The following NSD1 variants were observed in gnomAD, a reference collection of about 807,000 sequenced individuals.
The protein encoded by NSD1 is nuclear receptor binding SET domain protein 1.
In NSD1, 26 loss-of-function variants were observed where a neutral mutation model predicts 242.7. The observed-to-expected ratio is 0.11, with a 90% CI of 0.08 to 0.15. The LOEUF (loss-of-function observed/expected upper bound fraction) is 0.15, where lower values mean the gene tolerates loss of function less well. NSD1 is among the 10% of genes least tolerant of loss of function. NSD1 has a pLI of 1.00. For synonymous variants in NSD1, 1,106 were observed against 1,178.1 expected (o/e 0.94, Z 1.25); for missense variants, 2,495 against 3,272.8 (o/e 0.76, Z 5.80).
intron 11 of NSD1, among the ~76,000 whole-genome samples, chr5:177,251,162 C>T (rs556399745): frequency 6.6e-4 from 100 of 151,730 alleles, no homozygotes; most frequent in Non-Finnish European, 1.1e-3. Context: ...TGTACTCCAT[C>T]CTGGGCGACA....
chr5:177,182,452 G>A (rs997168582), intron 2 of NSD1, among the ~76,000 whole-genome samples: 2 of 152,016 alleles, frequency 1.3e-5, no homozygotes, highest in African/African-American at 4.8e-5. Flanking sequence ...TTAGAGACAG[G>A]GTTTTGCTCT....
chr5:177,266,267 G>T, intron 14 of NSD1: 1 of 756,310 alleles, frequency 1.3e-6, no homozygotes. Context: ...CTTCCCCTTG[G>T]TGATGGTCAC....
At chr5:177,256,275 CTTTTTTTT>C (rs147226070) in intron 12 of NSD1, among the ~76,000 whole-genome samples, 1 of 76,854 alleles carries the variant, frequency 1.3e-5, no homozygotes, top group Non-Finnish European at 2.4e-5. Flanking sequence ...TGCCCCCACA[CTTTTTTTT>C]TTTTTTTTTT....
intron 11 of NSD1, among the ~76,000 whole-genome samples, chr5:177,250,095 A>G (rs1016349187): frequency 6.6e-6 from 1 of 152,238 alleles, no homozygotes; most frequent in Admixed American, 6.5e-5. Flanking sequence ...AATAATAAAT[A>G]GTAATAGATA....
At chr5:177,232,436 A>G (rs770291098) in intron 5 of NSD1, among the ~76,000 whole-genome samples, 9 of 152,228 alleles carry the variant, frequency 5.9e-5, no homozygotes, top group Non-Finnish European at 1.0e-4. Context: ...TTGACATAAT[A>G]CCACAAGTGG....
intron 2 of NSD1, among the ~76,000 whole-genome samples, chr5:177,170,475 T>A (rs557214524): frequency 1.4e-3 from 206 of 150,804 alleles, no homozygotes; most frequent in African/African-American, 4.8e-3. Context: ...CTCAGCCTCC[T>A]GAGTAGCTGG....
intron 2 of NSD1, among the ~76,000 whole-genome samples, chr5:177,158,127 A>G (rs189818950): frequency 2.2e-4 from 33 of 152,266 alleles, no homozygotes; most frequent in African/African-American, 7.0e-4. Context: ...TAGAAGTGGT[A>G]TTGTCGGATC....
intron 4 of NSD1, among the ~76,000 whole-genome samples, chr5:177,208,151 A>T (rs979247284): frequency 3.3e-5 from 5 of 152,210 alleles, no homozygotes; most frequent in Admixed American, 1.3e-4. Context: ...TAGAATCTTG[A>T]CTAATACCTA....
chr5:177,227,084 A>G (rs565931476), intron 5 of NSD1, among the ~76,000 whole-genome samples: 1 of 152,210 alleles, frequency 6.6e-6, no homozygotes, highest in Non-Finnish European at 1.5e-5. Context: ...ACACATATGG[A>G]TGAAATATTA....
intron 14 of NSD1, chr5:177,265,768 G>A (rs1562275869): frequency 2.0e-6 from 3 of 1,494,488 alleles, no homozygotes; most frequent in Non-Finnish European, 1.9e-6. Context: ...ACAGGGACTC[G>A]GGTATGGTGG....
Position 177,216,055 on chromosome 5 carries a change from T to C in NSD1, c.3796+3860T>C, listed in dbSNP as rs1380614915. Among the ~76,000 whole-genome samples, 3 of 151,854 alleles carry C rather than the reference T, an allele frequency of 2.0e-5. No homozygotes were observed. The East Asian group carries it at 5.8e-4, about 29-fold the overall frequency. The stretch of plus-strand genomic sequence containing the variant: ...TTTGTGTTTTTTTGTAGAGACAGGT[T>C]TCTGGCTATGCTGCCCAGGCTGGTC... On this transcript the variant is annotated intron_variant, in intron 5 of 22. Transcript: ENST00000439151.
chr5:177,256,365 C>T (rs1756463108), intron 12 of NSD1, among the ~76,000 whole-genome samples: 2 of 151,136 alleles, frequency 1.3e-5, no homozygotes, highest in East Asian at 3.9e-4. Context: ...CTCAGTAAAC[C>T]TCCACCTTCC....
intron 18 of NSD1, among the ~76,000 whole-genome samples, chr5:177,281,971 A>G (rs1365175279): frequency 6.6e-6 from 1 of 152,206 alleles, no homozygotes; most frequent in Non-Finnish European, 1.5e-5. Flanking sequence ...GACTTGAAAT[A>G]TAAGTAGCTG....
chr5:177,230,814 G>A lies in NSD1; in HGVS notation c.3797-5007G>A, dbSNP rs541751893. ...TGCACTTCAGCCTGGGCGACAAAGCGAGACTCCGACTCAAAAAAAAAAAAG... is the reference window on the plus strand; with the variant it reads ...TGCACTTCAGCCTGGGCGACAAAGCAAGACTCCGACTCAAAAAAAAAAAAG... On this transcript the variant is annotated intron_variant, in intron 5 of 22. Coordinates refer to ENST00000439151, the MANE Select transcript of NSD1 (RefSeq NM_022455.5). 1.6e-4 allele frequency among the ~76,000 whole-genome samples: 24 copies of A among 151,058 alleles called. 1 individual carries two copies. The South Asian group carries it at 5.0e-3, about 32-fold the overall frequency.
chr5:177,158,535 A>C (rs1758393965), intron 2 of NSD1, among the ~76,000 whole-genome samples: 1 of 151,694 alleles, frequency 6.6e-6, no homozygotes. Flanking sequence ...ACAGGGTTTC[A>C]CCACATTGGC....
chr5:177,206,524 AAGACTTGGTGTCTTCATCTCTAAAGCT>A (rs1762879267), intron 4 of NSD1, among the ~76,000 whole-genome samples: 1 of 152,192 alleles, frequency 6.6e-6, no homozygotes, highest in Non-Finnish European at 1.5e-5. Context: ...TGAGTTCTCA[AAGACTTGGTGTCTTCATCTCTAAAGCT>A]AGTACAATAA....
intron 5 of NSD1, among the ~76,000 whole-genome samples, chr5:177,219,009 T>A (rs1248799256): frequency 6.6e-6 from 1 of 152,166 alleles, no homozygotes; most frequent in Admixed American, 6.5e-5. Flanking sequence ...GTTTATCTTT[T>A]CATTTCTATA....
intron 11 of NSD1, among the ~76,000 whole-genome samples, chr5:177,248,889 A>G (rs1210162702): frequency 1.3e-5 from 2 of 152,326 alleles, no homozygotes; most frequent in South Asian, 2.1e-4. Context: ...AGGAAACTAA[A>G]TTACAGAGAG....
Position 177,294,718 on chromosome 5 carries a change from T to C in NSD1, c.7350T>C (p.Asn2450=), listed in dbSNP as rs200241618. The C allele has an allele frequency of 5.1e-5, 83 of 1,614,156 alleles. No individual in the cohort carries two copies. The East Asian group carries it at 1.6e-3, about 32-fold the overall frequency. Residue 2450 remains asparagine, a synonymous_variant, in exon 23 of 23, where the codon AAT becomes AAC. Transcript: ENST00000439151. The part of the protein sequence containing the change: ...RPVDQNTQSK[N]RAALVMDLID... ...TGGACCAGAATACTCAGTCAAAAAA[T>C]AGAGCTGCTTTGGTGATGGATCTCA...
Sources: gnomAD v4.1 joint callset for allele counts (sites outside exome capture counted in the v4.1 genomes callset) on GRCh38, gnomAD v4.1.1 for gene constraint, MANE v1.5 for transcripts, NCBI Gene and HGNC (gene_info 2026-07-23, HGNC 2026-07-21) for gene names.